Variants in EPHA6 observed in about 807,000 individuals in gnomAD.
EPHA6 encodes EPH receptor A6.
Under a neutral mutation model 112.0 loss-of-function variants are expected in EPHA6, and 50 were observed. The ratio of observed to expected loss-of-function variants is 0.45; its 90% confidence interval spans 0.36 to 0.56. The LOEUF is 0.56. EPHA6 is among the 20% of genes least tolerant of loss of function. The pLI is 0.00. For missense variants in EPHA6, 1,280 were observed against 1,417.4 expected (o/e 0.90, Z 1.56); for synonymous variants, 529 against 490.7 (o/e 1.08, Z -1.03).
chr3:97,008,893 G>A (rs982142657), intron 3 of EPHA6, among the ~76,000 whole-genome samples: 1 of 151,906 alleles, frequency 6.6e-6, no homozygotes, highest in Non-Finnish European at 1.5e-5. Flanking sequence ...CTTCTGTAGG[G>A]CTACTGCAGT....
At chr3:97,342,135 TC>T (rs1361804654) in intron 5 of EPHA6, among the ~76,000 whole-genome samples, 1 of 152,190 alleles carries the variant, frequency 6.6e-6, no homozygotes, top group Non-Finnish European at 1.5e-5. Flanking sequence ...GCAGTCTTTT[TC>T]TCCCTTTTAC....
intron 1 of EPHA6, among the ~76,000 whole-genome samples, chr3:96,818,046 A>G (rs2032941972): frequency 6.6e-6 from 1 of 151,926 alleles, no homozygotes; most frequent in African/African-American, 2.4e-5. Context: ...TTGTGTTTAA[A>G]TCTCTCTCAT....
intron 3 of EPHA6, among the ~76,000 whole-genome samples, chr3:97,162,653 G>A (rs1373058859): frequency 1.3e-5 from 2 of 152,102 alleles, no homozygotes; most frequent in Non-Finnish European, 1.5e-5. Context: ...GGAAGGGTGA[G>A]AGAAAGATTA....
chr3:97,486,760 T>C (rs2091709500), intron 10 of EPHA6, among the ~76,000 whole-genome samples: 1 of 152,228 alleles, frequency 6.6e-6, no homozygotes, highest in Non-Finnish European at 1.5e-5. Flanking sequence ...AGCAGTCATG[T>C]TTCTAAAACT....
chr3:97,221,171 G>A (rs1023997922), intron 3 of EPHA6, among the ~76,000 whole-genome samples: 2 of 151,478 alleles, frequency 1.3e-5, no homozygotes, highest in African/African-American at 4.9e-5. Flanking sequence ...AAATTAGATG[G>A]GCATGGTGGT....
chr3:96,958,037 C>G (rs1446652360), intron 2 of EPHA6, among the ~76,000 whole-genome samples: 1 of 152,164 alleles, frequency 6.6e-6, no homozygotes, highest in Non-Finnish European at 1.5e-5. Flanking sequence ...AAAAACGTGA[C>G]TCAACTACTC....
At chr3:96,933,310 G>T (rs771505406) in intron 2 of EPHA6, among the ~76,000 whole-genome samples, 2 of 151,988 alleles carry the variant, frequency 1.3e-5, no homozygotes, top group Non-Finnish European at 2.9e-5. Context: ...TAAAAATGAG[G>T]TCCTGGTTAC....
chr3:97,360,369 G>T lies in EPHA6; in HGVS notation c.1607-44781G>T, dbSNP rs2084310941. 2.0e-5 allele frequency among the ~76,000 whole-genome samples: 3 copies of T among 152,160 alleles called. No homozygotes were observed. In the South Asian group the frequency reaches 6.2e-4, roughly 31 times the overall value. ...GCCTAGATGGGAAGACAGATTCCTGGTTCTTTCTACTCCACTATCTTTACA... is the reference window on the plus strand; with the variant it reads ...GCCTAGATGGGAAGACAGATTCCTGTTTCTTTCTACTCCACTATCTTTACA... On this transcript the variant is annotated intron_variant, in intron 5 of 17. Transcript: ENST00000389672.
chr3:97,453,364 A>G (rs980102835), intron 7 of EPHA6, among the ~76,000 whole-genome samples: 22 of 151,746 alleles, frequency 1.4e-4, no homozygotes, highest in African/African-American at 4.3e-4. Context: ...TACATTGCCA[A>G]CATATAAGCA....
At chr3:96,882,730 C>CTG (rs1207060710) in intron 2 of EPHA6, among the ~76,000 whole-genome samples, 11,863 of 129,228 alleles carry the variant, frequency 0.092, 500 homozygotes, top group Non-Finnish European at 0.12. Flanking sequence ...CATTGTGTGT[C>CTG]TGTGTGTGTG....
intron 2 of EPHA6, among the ~76,000 whole-genome samples, chr3:96,909,589 A>G (rs990198497): frequency 6.6e-6 from 1 of 151,934 alleles, no homozygotes; most frequent in Non-Finnish European, 1.5e-5. Flanking sequence ...ACCTTTTTCC[A>G]AAAGGATATG....
chr3:97,133,165 G>A (rs1162951759), intron 3 of EPHA6, among the ~76,000 whole-genome samples: 1 of 152,034 alleles, frequency 6.6e-6, no homozygotes, highest in South Asian at 2.1e-4. Context: ...GACATCCTAT[G>A]AGAGTGAGCA....
At chr3:97,607,184 CAAA>C (rs11437335) in intron 12 of EPHA6, among the ~76,000 whole-genome samples, 5 of 86,070 alleles carry the variant, frequency 5.8e-5, no homozygotes, top group Non-Finnish European at 5.3e-5. Flanking sequence ...TTGTCTGAGG[CAAA>C]AAAAAAAAAA....
At chr3:96,906,499 C>T (rs2038940820) in intron 2 of EPHA6, among the ~76,000 whole-genome samples, 1 of 152,066 alleles carries the variant, frequency 6.6e-6, no homozygotes. Flanking sequence ...GAACACTCTT[C>T]CAACAAGTGA....
intron 11 of EPHA6, among the ~76,000 whole-genome samples, chr3:97,557,777 G>T (rs1046294156): frequency 6.6e-6 from 1 of 151,262 alleles, no homozygotes; most frequent in South Asian, 2.1e-4. Flanking sequence ...CCATTCTCCT[G>T]TGATTTTAAG....
intron 14 of EPHA6, among the ~76,000 whole-genome samples, chr3:97,657,343 A>G (rs1343505597): frequency 6.6e-6 from 1 of 151,740 alleles, no homozygotes; most frequent in East Asian, 1.9e-4. Context: ...TTTCTTATAT[A>G]AAGTAAAAAC....
intron 10 of EPHA6, among the ~76,000 whole-genome samples, chr3:97,502,810 G>A (rs1296074850): frequency 1.2e-5 from 1 of 83,994 alleles, no homozygotes; most frequent in Admixed American, 2.1e-4. Context: ...CTCCAGGCTG[G>A]TAAAAGAGCA....
intron 3 of EPHA6, among the ~76,000 whole-genome samples, chr3:97,119,130 T>C (rs1272716736): frequency 1.3e-5 from 2 of 152,016 alleles, no homozygotes; most frequent in Non-Finnish European, 2.9e-5. Flanking sequence ...GCTCCCAAAT[T>C]TGTCTTTTGC....
intron 5 of EPHA6, among the ~76,000 whole-genome samples, chr3:97,299,042 C>A (rs2080986075): frequency 3.9e-5 from 6 of 152,018 alleles, no homozygotes; most frequent in Admixed American, 3.9e-4. Flanking sequence ...TAAAACACTG[C>A]CAGTTGATGA....
Sources: gnomAD v4.1 joint callset for allele counts (sites outside exome capture counted in the v4.1 genomes callset) on GRCh38, gnomAD v4.1.1 for gene constraint, MANE v1.5 for transcripts, NCBI Gene and HGNC (gene_info 2026-07-23, HGNC 2026-07-21) for gene names.